Variants in TMEM45A observed in about 807,000 individuals in gnomAD.
The protein encoded by TMEM45A is DNA polymerase-transactivated protein 4.
TMEM45A carries 25 observed loss-of-function variants against 32.0 expected under a neutral mutation model. The ratio of observed to expected loss-of-function variants is 0.78; its 90% CI spans 0.57 to 1.09. The LOEUF is 1.09. TMEM45A is among the 50% of genes least tolerant of loss of function. The probability of loss-of-function intolerance (pLI) is 0.00; values close to 1 mark genes in which losing one functional copy is unlikely to be tolerated. For missense variants in TMEM45A, 302 were observed against 325.0 expected (o/e 0.93, Z 0.54); for synonymous variants, 122 against 114.8 (o/e 1.06, Z -0.40).
intron 1 of TMEM45A, among the ~76,000 whole-genome samples, chr3:100,504,536 A>T (rs1460695609): frequency 6.6e-6 from 1 of 152,158 alleles, no homozygotes; most frequent in East Asian, 1.9e-4. Flanking sequence ...GTAGCTTCCT[A>T]TTGCATTTAA....
At chr3:100,546,197 G>A (rs1043289865) in intron 1 of TMEM45A, among the ~76,000 whole-genome samples, 12 of 152,238 alleles carry the variant, frequency 7.9e-5, no homozygotes, top group African/African-American at 2.9e-4. Flanking sequence ...CATAGCAGCA[G>A]CCTAGGTGGC....
intron 1 of TMEM45A, among the ~76,000 whole-genome samples, chr3:100,550,355 T>A (rs187912312): frequency 6.6e-6 from 1 of 152,140 alleles, no homozygotes; most frequent in East Asian, 1.9e-4. Context: ...GAGAATGAAA[T>A]TTTAAAGCTA....
At chr3:100,559,540 A>C (rs1706287968) in intron 4 of TMEM45A, among the ~76,000 whole-genome samples, 1 of 152,192 alleles carries the variant, frequency 6.6e-6, no homozygotes, top group African/African-American at 2.4e-5. Flanking sequence ...TTAATGGAAA[A>C]ACTTCATAGA....
chr3:100,553,661 C>A (rs950157297), intron 1 of TMEM45A, among the ~76,000 whole-genome samples: 2 of 152,154 alleles, frequency 1.3e-5, no homozygotes, highest in Non-Finnish European at 2.9e-5. Context: ...CAGGAAAGAA[C>A]TCCAGGTTTC....
chr3:100,575,959 A>G (rs1354720686), intron 5 of TMEM45A, among the ~76,000 whole-genome samples: 1 of 152,178 alleles, frequency 6.6e-6, no homozygotes, highest in Non-Finnish European at 1.5e-5. Flanking sequence ...GAGAAACTCA[A>G]CTGAGCTTGG....
chr3:100,507,277 A>T (rs1352543805), intron 1 of TMEM45A, among the ~76,000 whole-genome samples: 1 of 152,234 alleles, frequency 6.6e-6, no homozygotes, highest in African/African-American at 2.4e-5. Context: ...GCACCTGGGC[A>T]TTCTTTCCCA....
chr3:100,498,797 G>GT (rs977031216), intron 1 of TMEM45A, among the ~76,000 whole-genome samples: 9 of 152,098 alleles, frequency 5.9e-5, no homozygotes, highest in African/African-American at 1.7e-4. Context: ...CCATCCTACT[G>GT]TTTTTTCACA....
chr3:100,552,227 T>G (rs1284168083), intron 1 of TMEM45A, among the ~76,000 whole-genome samples: 1 of 151,876 alleles, frequency 6.6e-6, no homozygotes, highest in Non-Finnish European at 1.5e-5. Context: ...AAAAAAAAAG[T>G]GGAGAAGGCC....
At chr3:100,518,911 A>C (rs1016144165) in intron 1 of TMEM45A, among the ~76,000 whole-genome samples, 2 of 152,180 alleles carry the variant, frequency 1.3e-5, no homozygotes, top group African/African-American at 4.8e-5. Flanking sequence ...ACTTGGTAAA[A>C]ATGTGAATAA....
intron 1 of TMEM45A, among the ~76,000 whole-genome samples, chr3:100,499,646 G>A (rs1377795792): frequency 1.3e-5 from 2 of 152,214 alleles, no homozygotes; most frequent in Admixed American, 1.3e-4. Flanking sequence ...GGAGGCTGAG[G>A]TGGGTGGATC....
chr3:100,573,668 C>G (rs1706619985), intron 5 of TMEM45A: 1 of 152,106 alleles, frequency 6.6e-6, no homozygotes, highest in African/African-American at 2.4e-5. Context: ...GAGGGCATCC[C>G]TGTCTTGTGC....
intron 1 of TMEM45A, among the ~76,000 whole-genome samples, chr3:100,504,751 A>G (rs1708056569): frequency 6.6e-6 from 1 of 152,208 alleles, no homozygotes; most frequent in South Asian, 2.1e-4. Flanking sequence ...CCTTTCCTCT[A>G]CTGGATCAAG....
intron 1 of TMEM45A, among the ~76,000 whole-genome samples, chr3:100,526,689 A>G (rs542881730): frequency 6.6e-6 from 1 of 152,178 alleles, no homozygotes; most frequent in Admixed American, 6.5e-5. Context: ...ATGGAAAAAA[A>G]TTATCTGCCA....
chr3:100,535,959 C>T (rs1705732785), intron 1 of TMEM45A, among the ~76,000 whole-genome samples: 3 of 152,118 alleles, frequency 2.0e-5, no homozygotes, highest in East Asian at 1.9e-4. Context: ...AAAGTCTTGA[C>T]GTTAAGGGGA....
chr3:100,498,889 T>G (rs781005868), intron 1 of TMEM45A, among the ~76,000 whole-genome samples: 1 of 152,196 alleles, frequency 6.6e-6, no homozygotes, highest in Admixed American at 6.5e-5. Flanking sequence ...ACACTTGTTA[T>G]TTTCTGTTTT....
intron 1 of TMEM45A, among the ~76,000 whole-genome samples, chr3:100,525,702 C>T (rs888428936): frequency 1.3e-5 from 2 of 152,094 alleles, no homozygotes; most frequent in African/African-American, 2.4e-5. Context: ...AACAGCCTTC[C>T]GGGGAGTATT....
chr3:100,558,469 G>T lies in TMEM45A; in HGVS notation c.468G>T (p.Leu156=), dbSNP rs992300386. The change falls in exon 4 of 6, where the codon CTG becomes CTT. Residue 156 remains leucine (L), a synonymous_variant. Coordinates refer to ENST00000323523, the MANE Select transcript of TMEM45A (RefSeq NM_018004.3). ...TGGACATCTTTGTGCACCAGCTGCT[G>T]GTTTTGGTCGTCTTTCTGACAGGCC... is the stretch of plus-strand genomic sequence containing the variant. ...EMLDIFVHQL[L]VLVVFLTGLV... The T allele has an allele frequency of 6.2e-7, 1 of 1,613,966 alleles. No homozygotes were observed. Among genetic ancestry groups the T allele is most frequent in the African/African-American group, 1.3e-5 (1 of 74,894 alleles).
At chr3:100,493,442 A>G (rs1230068138) in intron 1 of TMEM45A, among the ~76,000 whole-genome samples, 1 of 151,990 alleles carries the variant, frequency 6.6e-6, no homozygotes, top group East Asian at 1.9e-4. Flanking sequence ...TTTTTCACTT[A>G]AATCTGGAGG....
At chr3:100,509,667 T>C (rs9810780) in intron 1 of TMEM45A, among the ~76,000 whole-genome samples, 72,017 of 151,926 alleles carry the variant, frequency 0.47, 19,117 homozygotes, top group African/African-American at 0.72. Context: ...GCGTGAGTGA[T>C]GCAGAAGACA....
Sources: allele counts gnomAD v4.1 joint callset (sites outside exome capture counted in the v4.1 genomes callset), GRCh38; gene constraint gnomAD v4.1.1; transcripts MANE v1.5; gene names NCBI Gene and HGNC (gene_info 2026-07-23, HGNC 2026-07-21).